Variants in ISCA1 observed in about 807,000 individuals in gnomAD.
ISCA1 encodes the protein iron-sulfur cluster assembly 1.
ISCA1 carries 9 observed loss-of-function variants against 14.7 expected under a neutral mutation model. That is an observed-to-expected ratio of 0.61 (90% CI 0.37 to 1.07). The LOEUF is 1.07. Among genes scored for constraint, ISCA1 ranks in the 50% least tolerant of loss-of-function variants. The pLI is 0.01. For missense variants in ISCA1, 102 were observed against 150.1 expected (o/e 0.68, Z 1.67); for synonymous variants, 38 against 54.3 (o/e 0.70, Z 1.32).
At chr9:86,273,414 T>C (rs1825398021) in intron 2 of ISCA1, among the ~76,000 whole-genome samples, 1 of 152,186 alleles carries the variant, frequency 6.6e-6, no homozygotes, top group South Asian at 2.1e-4. Context: ...AGACACTAAA[T>C]AGTTGCTGAA....
At chr9:86,277,978 T>TC (rs1825460127) in intron 1 of ISCA1, among the ~76,000 whole-genome samples, 1 of 152,256 alleles carries the variant, frequency 6.6e-6, no homozygotes, top group Non-Finnish European at 1.5e-5. Flanking sequence ...CGCTTTCTAA[T>TC]CCTTGTAGGA....
intron 3 of ISCA1, among the ~76,000 whole-genome samples, chr9:86,268,316 C>T (rs1023771646): frequency 2.0e-5 from 3 of 151,322 alleles, no homozygotes; most frequent in Non-Finnish European, 2.9e-5. Flanking sequence ...GTGTTTTTGT[C>T]TTAGTTTTTA....
intron 2 of ISCA1, among the ~76,000 whole-genome samples, chr9:86,273,134 T>C (rs975219622): frequency 5.9e-5 from 9 of 152,228 alleles, no homozygotes; most frequent in Non-Finnish European, 1.2e-4. Flanking sequence ...CCTTTGAAAT[T>C]TAATAATTTT....
chr9:86,274,986 T>C (rs551048170), intron 1 of ISCA1, among the ~76,000 whole-genome samples: 6 of 152,174 alleles, frequency 3.9e-5, no homozygotes, highest in Admixed American at 2.6e-4. Flanking sequence ...TAGGTCGGTG[T>C]TGCCAACCCC....
At chr9:86,280,934 CAAAA>C (rs1315760406) in intron 1 of ISCA1, among the ~76,000 whole-genome samples, 2 of 146,152 alleles carry the variant, frequency 1.4e-5, no homozygotes, top group Non-Finnish European at 3.0e-5. Flanking sequence ...TCTCCAAAAA[CAAAA>C]CAAACAAAAA....
intron 1 of ISCA1, among the ~76,000 whole-genome samples, chr9:86,275,120 G>T (rs560778208): frequency 2.4e-4 from 37 of 152,222 alleles, no homozygotes; most frequent in African/African-American, 8.4e-4. Flanking sequence ...AGGGATAACA[G>T]TTCCTCCTCC....
intron 1 of ISCA1, among the ~76,000 whole-genome samples, chr9:86,279,770 C>T (rs1373240503): frequency 6.6e-6 from 1 of 152,194 alleles, no homozygotes; most frequent in Non-Finnish European, 1.5e-5. Context: ...ATTCATTAGG[C>T]CTTTGACGGC....
intron 1 of ISCA1, among the ~76,000 whole-genome samples, chr9:86,280,842 C>T (rs987765009): frequency 6.6e-6 from 1 of 151,946 alleles, no homozygotes; most frequent in Non-Finnish European, 1.5e-5. Flanking sequence ...GTGGGAGGAT[C>T]GCTTGGGCCC....
At chr9:86,272,336 C>T (rs149363082) in intron 2 of ISCA1, among the ~76,000 whole-genome samples, 3 of 152,306 alleles carry the variant, frequency 2.0e-5, no homozygotes, top group East Asian at 1.9e-4. Context: ...GGAGCCACCC[C>T]GTCCAGCCTG....
At position 86,267,265 on chromosome 9, in the gene ISCA1, TCCTTA is replaced by T. The variant is rs774631121; in HGVS notation, c.242-1079_242-1075del. On this transcript the variant is annotated intron_variant, in intron 3 of 3. Transcript: ENST00000375991. ...CAACGAAACAACAAAAAAACTTTCT[TCCTTA>T]CAAGAAATTGAGCCATTAGCTAAAT... The T allele has an allele frequency of 1.4e-5, 11 of 794,980 alleles. 1 individual carries two copies. In the Admixed American group the frequency reaches 3.1e-4, roughly 23 times the overall value. 49.2% of individuals were successfully genotyped at this position (794,980 alleles called of 1,614,324 possible).
chr9:86,274,639 C>T (rs940940007), intron 1 of ISCA1, among the ~76,000 whole-genome samples: 3 of 152,144 alleles, frequency 2.0e-5, no homozygotes, highest in Non-Finnish European at 4.4e-5. Context: ...ACTGGGAAGG[C>T]CAACCTTCAG....
intron 2 of ISCA1, among the ~76,000 whole-genome samples, chr9:86,272,535 C>A (rs1202900386): frequency 1.3e-5 from 2 of 152,174 alleles, no homozygotes; most frequent in Non-Finnish European, 2.9e-5. Context: ...GCAGTCAATA[C>A]AGACAAAAGA....
intron 1 of ISCA1, among the ~76,000 whole-genome samples, chr9:86,280,277 G>A (rs1036362965): frequency 2.6e-5 from 4 of 152,044 alleles, no homozygotes; most frequent in Admixed American, 2.0e-4. Flanking sequence ...GGAGAGAAAG[G>A]GACTGACATA....
intron 1 of ISCA1, among the ~76,000 whole-genome samples, chr9:86,279,438 T>A (rs1021637499): frequency 6.6e-6 from 1 of 152,222 alleles, no homozygotes; most frequent in African/African-American, 2.4e-5. Context: ...TCTAGATATG[T>A]AGGGAAATAG....
chr9:86,278,360 T>C (rs1315568413), intron 1 of ISCA1, among the ~76,000 whole-genome samples: 1 of 152,156 alleles, frequency 6.6e-6, no homozygotes, highest in Non-Finnish European at 1.5e-5. Flanking sequence ...AAAATACATA[T>C]AATATACAAA....
chr9:86,281,160 A>G (rs188279025), intron 1 of ISCA1, among the ~76,000 whole-genome samples: 76 of 152,298 alleles, frequency 5.0e-4, no homozygotes, highest in Middle Eastern at 3.4e-3. Flanking sequence ...GTTTAATTCT[A>G]CATCCCACGG....
chr9:86,280,594 C>CAAAAAAAA (rs59525482), intron 1 of ISCA1, among the ~76,000 whole-genome samples: 1 of 97,876 alleles, frequency 1.0e-5, no homozygotes, highest in African/African-American at 3.8e-5. Context: ...AACCCTGTCT[C>CAAAAAAAA]AAAAAAAAAA....
chr9:86,265,977 T>C lies in ISCA1; in HGVS notation c.*66A>G, dbSNP rs1321499687. ...TCCAGCACGTGACAGTCACATGATT[T>C]CTGCAGTGAGCCCCAAAGCTTCCAC... is the stretch of plus-strand genomic sequence containing the variant. On this transcript the variant is annotated 3_prime_UTR_variant, in exon 4 of 4. Transcript: ENST00000375991. 1 of 1,604,936 alleles carries C rather than the reference T, an allele frequency of 6.2e-7. No homozygotes were observed. The highest frequency in any genetic ancestry group is 1.7e-5 in the Admixed American group (1 of 60,006).
chr9:86,282,249 G>T, intron 1 of ISCA1, 129 bp downstream of exon 1: 3 of 999,298 alleles, frequency 3.0e-6, no homozygotes, highest in South Asian at 3.5e-5. Context: ...CTGTGCGGCG[G>T]GTCGGAGCGA....
Sources: gnomAD v4.1 joint callset for allele counts (sites outside exome capture counted in the v4.1 genomes callset) on GRCh38, gnomAD v4.1.1 for gene constraint, MANE v1.5 for transcripts, NCBI Gene and HGNC (gene_info 2026-07-23, HGNC 2026-07-21) for gene names.